MEGF6: variants seen among roughly 807,000 people sequenced by gnomAD.
MEGF6 encodes multiple epidermal growth factor-like domains protein 6.
A neutral mutation model predicts 207.1 loss-of-function variants in MEGF6; 184 were observed. That is an observed-to-expected ratio of 0.89 (90% confidence interval 0.79 to 1.00). MEGF6 has a LOEUF of 1.00. Among genes scored for constraint, MEGF6 ranks in the 50% least tolerant of loss-of-function variants. MEGF6 has a pLI of 0.00. For missense variants in MEGF6, 2,282 were observed against 2,202.9 expected (o/e 1.04, Z -0.72); for synonymous variants, 1,038 against 910.0 (o/e 1.14, Z -2.53).
Position 3,488,922 on chromosome 1 carries a change from T to C in MEGF6, c.*1606A>G, listed in dbSNP as rs1460691776. On this transcript the variant is annotated 3_prime_UTR_variant, in exon 37 of 37. Coordinates refer to ENST00000356575, the MANE Select transcript of MEGF6 (RefSeq NM_001409.4). Reference sequence around the variant, plus strand: ...GTCAATGACTTCTTACTTTTGTATTTTGCAGTTAGATGGATGTGAATGAAC... The same window carrying C: ...GTCAATGACTTCTTACTTTTGTATTCTGCAGTTAGATGGATGTGAATGAAC... Among the ~76,000 whole-genome samples, 1 of 152,254 alleles carries C rather than the reference T, an allele frequency of 6.6e-6. No homozygotes were observed. The highest frequency in any genetic ancestry group is 1.9e-4 in the East Asian group (1 of 5,204).
In MEGF6 at chr1:3,556,938, TC is replaced by T. The variant is rs1445932287; in HGVS notation, c.481+22886del. Reference sequence around the variant, plus strand: ...CAGCCGACCTGACCTAGGAAGCCGATCCCGGCTTATCTGGGGGGCCTGGTGG... The same window carrying T: ...CAGCCGACCTGACCTAGGAAGCCGATCCGGCTTATCTGGGGGGCCTGGTGG... On this transcript the variant is annotated intron_variant, in intron 4 of 36. Transcript: ENST00000356575. This position sits in a 1 kb window ranked among gnomAD's most constrained non-coding sequence, Gnocchi z 4.4. Among the ~76,000 whole-genome samples, 1 of 152,128 alleles carries T rather than the reference TC, an allele frequency of 6.6e-6. No individual in the cohort carries two copies. The highest frequency in any genetic ancestry group is 1.5e-5 in the Non-Finnish European group (1 of 68,024).
chr1:3,584,903 G>A (rs115072160), intron 3 of MEGF6, among the ~76,000 whole-genome samples: 5 of 152,392 alleles, frequency 3.3e-5, no homozygotes, highest in Non-Finnish European at 5.9e-5. Context: ...ACTCTAAGGC[G>A]TCACGGGGCT....
At chr1:3,612,972 C>T (rs1346446936), upstream of MEGF6, among the ~76,000 whole-genome samples, 3 of 152,194 alleles carry the variant, frequency 2.0e-5, no homozygotes, top group Non-Finnish European at 2.9e-5. Flanking sequence ...ACTGCAGATC[C>T]GGGAACTGAA....
At chr1:3,491,605 G>A (rs1640367822) in intron 35 of MEGF6, among the ~76,000 whole-genome samples, 2 of 152,108 alleles carry the variant, frequency 1.3e-5, no homozygotes, top group Admixed American at 1.3e-4. Flanking sequence ...TCCAAGCGGA[G>A]GACCCCAAGT....
Position 3,544,115 on chromosome 1 carries a change from T to G in MEGF6, c.482-19869A>C, listed in dbSNP as rs72470155. Among the ~76,000 whole-genome samples the G allele has an allele frequency of 3.1e-3, 477 of 152,184 alleles. 20 individuals are homozygous for G. The East Asian group carries it at 0.071, about 23-fold the overall frequency. On this transcript the variant is annotated intron_variant, in intron 4 of 36. Coordinates refer to ENST00000356575, the MANE Select transcript of MEGF6 (RefSeq NM_001409.4). Reference sequence around the variant, plus strand: ...TGTCTTCCGGGGCCTGACACACACCTGCCAGGGACCCCATTACAGGGCCCA... The same window carrying G: ...TGTCTTCCGGGGCCTGACACACACCGGCCAGGGACCCCATTACAGGGCCCA...
intron 1 of MEGF6, among the ~76,000 whole-genome samples, chr1:3,606,696 G>A (rs573683724): frequency 2.0e-5 from 3 of 152,330 alleles, no homozygotes; most frequent in South Asian, 2.1e-4. Context: ...GGCATTGAAC[G>A]CTTTTGCCGT....
chr1:3,506,315 C>A (rs985739195), intron 14 of MEGF6, 79 bp from the exon 15 acceptor site: 1 of 1,520,562 alleles, frequency 6.6e-7, no homozygotes, highest in East Asian at 2.4e-5. Context: ...GTAGGATGCG[C>A]GGGGGCCCAG....
intron 7 of MEGF6, 89 bp from the exon 8 acceptor site, chr1:3,512,217 C>A: frequency 2.0e-6 from 3 of 1,488,656 alleles, no homozygotes; most frequent in Non-Finnish European, 2.7e-6. Flanking sequence ...GGCCTGCTGA[C>A]ACCCAGGGCC....
rs531213934 is a variant in MEGF6 at position 3,547,785 on chromosome 1, C to T, written c.482-23539G>A. Among the ~76,000 whole-genome samples the T allele has an allele frequency of 5.9e-5, 9 of 152,208 alleles. No individual in the cohort carries two copies. The East Asian group carries it at 1.7e-3, about 29-fold the overall frequency. ...TTGCGGGTGCGGGAATGTGGCAGTTCTCCCGGGGTGCGCCTCTGCCTGGTT... is the reference window on the plus strand; with the variant it reads ...TTGCGGGTGCGGGAATGTGGCAGTTTTCCCGGGGTGCGCCTCTGCCTGGTT... On this transcript the variant is annotated intron_variant, in intron 4 of 36. Transcript: ENST00000356575.
chr1:3,588,908 C>A lies in MEGF6; in HGVS notation c.376+6430G>T, dbSNP rs545265075. Among the ~76,000 whole-genome samples, 150 of 152,286 alleles carry A rather than the reference C, an allele frequency of 9.8e-4. No homozygotes were observed. In the Middle Eastern group the frequency reaches 0.017, roughly 17 times the overall value. On this transcript the variant is annotated intron_variant, in intron 3 of 36. Coordinates refer to ENST00000356575, the MANE Select transcript of MEGF6 (RefSeq NM_001409.4). ...AGGCCCAGCCCCTCCTTTGCACAGA[C>A]TCTGCCCCTGCCCTCATGAGGGCCC...
Position 3,498,782 on chromosome 1 carries a change from G to T in MEGF6, c.3139C>A (p.Leu1047Ile). 1.3e-6 allele frequency: 2 copies of T among 1,556,842 alleles called. No homozygotes were observed. The highest frequency in any genetic ancestry group is 8.7e-7 in the Non-Finnish European group (1 of 1,150,894). The change falls in exon 25 of 37, where the codon CTC becomes ATC. Residue 1047 changes from leucine to isoleucine, a missense_variant. By Grantham distance (5) the Leu-to-Ile change is conservative (BLOSUM62 2). Transcript: ENST00000356575. ...LYGDNCRHSC[L>I]CQNGGTCDPV... Reference sequence around the variant, plus strand: ...TCACAGGTCCCTCCGTTCTGGCAGAGGCAGGAATGCCGACAGTTGTCGCCG... The same window carrying T: ...TCACAGGTCCCTCCGTTCTGGCAGATGCAGGAATGCCGACAGTTGTCGCCG...
At chr1:3,608,265 G>T (rs1557433258) in intron 1 of MEGF6, among the ~76,000 whole-genome samples, 1 of 152,136 alleles carries the variant, frequency 6.6e-6, no homozygotes, top group Non-Finnish European at 1.5e-5. Flanking sequence ...TGTAGACAAG[G>T]AGACAATGAA....
intron 4 of MEGF6, chr1:3,547,234 G>C (rs1642744852): frequency 6.6e-6 from 1 of 152,324 alleles, no homozygotes; most frequent in South Asian, 2.1e-4. Flanking sequence ...CACAGCACAG[G>C]GGACATTGTC....
At chr1:3,613,507 G>A (rs568506751), upstream of MEGF6, among the ~76,000 whole-genome samples, 25 of 152,324 alleles carry the variant, frequency 1.6e-4, 1 homozygote, top group South Asian at 3.3e-3. Flanking sequence ...CCTTGAAGAA[G>A]TTCACCTGCT....
intron 14 of MEGF6, among the ~76,000 whole-genome samples, chr1:3,507,201 G>A (rs572764513): frequency 4.3e-4 from 65 of 152,350 alleles, no homozygotes; most frequent in African/African-American, 1.5e-3. Context: ...AGGTTCTAGG[G>A]TTGGCTGTCT....
At chr1:3,530,792 C>T (rs1642128414) in intron 4 of MEGF6, among the ~76,000 whole-genome samples, 1 of 152,210 alleles carries the variant, frequency 6.6e-6, no homozygotes, top group South Asian at 2.1e-4. Flanking sequence ...AGCGGGGAAC[C>T]CTGCTCCCAC....
intron 4 of MEGF6, among the ~76,000 whole-genome samples, chr1:3,546,069 C>T (rs1391088285): frequency 6.6e-6 from 1 of 152,230 alleles, no homozygotes; most frequent in Non-Finnish European, 1.5e-5. Flanking sequence ...TGAGGACTCT[C>T]CCAGGGGCCA....
intron 2 of MEGF6, among the ~76,000 whole-genome samples, chr1:3,597,698 C>G (rs1379985565): frequency 1.3e-5 from 2 of 152,184 alleles, no homozygotes; most frequent in East Asian, 1.9e-4. Flanking sequence ...CACTCCCAGA[C>G]AGCCGGCAGC....
Position 3,500,703 on chromosome 1 carries a change from G to A in MEGF6, c.2637C>T (p.His879=), listed in dbSNP as rs370569043. 6 of 1,588,662 alleles carry A rather than the reference G, an allele frequency of 3.8e-6. No homozygotes were observed. The highest frequency in any genetic ancestry group is 4.6e-5 in the East Asian group (2 of 43,390). ...GGCCGCTGATGGCATCACAGCTCCCGTGGCCAGCGCTGCAGTTGCAGGGGT... is the reference window on the plus strand; with the variant it reads ...GGCCGCTGATGGCATCACAGCTCCCATGGCCAGCGCTGCAGTTGCAGGGGT... ...CSHPCNCSAG[H]GSCDAISGLC... is the part of the protein sequence containing the mutation. Residue 879 remains histidine (H), a synonymous_variant, in exon 21 of 37, where the codon CAC becomes CAT. Coordinates refer to ENST00000356575, the MANE Select transcript of MEGF6 (RefSeq NM_001409.4).
Sources: allele counts gnomAD v4.1 joint callset (sites outside exome capture counted in the v4.1 genomes callset), GRCh38; gene constraint gnomAD v4.1.1; non-coding constraint Gnocchi (gnomAD v3.1); transcripts MANE v1.5; gene names NCBI Gene and HGNC (gene_info 2026-07-23, HGNC 2026-07-21).